RIPK4: variants seen among roughly 807,000 people sequenced by gnomAD.
The protein encoded by RIPK4 is receptor-interacting serine/threonine-protein kinase 4.
A neutral mutation model predicts 42.9 loss-of-function variants in RIPK4; 17 were observed. The observed-to-expected ratio is 0.40, with a 90% CI of 0.27 to 0.59. RIPK4 has a LOEUF of 0.59. Among genes scored for constraint, RIPK4 ranks in the 20% least tolerant of loss-of-function variants. RIPK4 has a pLI of 0.47. For synonymous variants in RIPK4, 498 were observed against 499.1 expected (o/e 1.00, Z 0.03); for missense variants, 897 against 1,104.4 (o/e 0.81, Z 2.66).
intron 1 of RIPK4, among the ~76,000 whole-genome samples, chr21:41,760,004 T>C (rs1449854763): frequency 6.6e-6 from 1 of 152,176 alleles, no homozygotes; most frequent in Non-Finnish European, 1.5e-5. Context: ...TAGAGGCAAC[T>C]TCACCCCCCA....
chr21:41,740,966 C>G lies in RIPK4; in HGVS notation c.2227G>C (p.Ala743Pro). Residue 743 changes from alanine (A) to proline (P), a missense_variant, in exon 8 of 8, where the codon GCC (alanine) becomes CCC (proline). Coordinates refer to ENST00000332512, the MANE Select transcript of RIPK4 (RefSeq NM_020639.3). ...EQGLSALHLAAQGRHAQTVET... is the reference protein window; with the variant it reads ...EQGLSALHLAPQGRHAQTVET... ...ACCGTCTGTGCGTGCCGGCCCTGGG[C>G]GGCCAGGTGCAGCGCGCTGAGCCCC... is the stretch of plus-strand genomic sequence containing the variant. 6.2e-7 allele frequency: 1 copy of G among 1,612,020 alleles called. No individual in the cohort carries two copies. Among genetic ancestry groups the G allele is most frequent in the Non-Finnish European group, 8.5e-7 (1 of 1,179,848 alleles).
chr21:41,762,150 T>C (rs767967668), intron 1 of RIPK4, among the ~76,000 whole-genome samples: 1 of 152,124 alleles, frequency 6.6e-6, no homozygotes, highest in African/African-American at 2.4e-5. Context: ...GGCCACACAT[T>C]TGAGGGCACT....
chr21:41,756,783 C>A lies in RIPK4; in HGVS notation c.216G>T (p.Lys72Asn), dbSNP rs1487189084. 1 of 1,613,938 alleles carries A rather than the reference C, an allele frequency of 6.2e-7. No homozygotes were observed. The highest frequency in any genetic ancestry group is 8.5e-7 in the Non-Finnish European group (1 of 1,179,818). The stretch of plus-strand genomic sequence containing the variant: ...TGTAGCGAAACTTGGCCATCTCCAT[C>A]TTCTTGGCTTCTTCCAAAAGCTCCA... Reference protein sequence around the residue: ...ERMELLEEAKKMEMAKFRYIL... With the variant: ...ERMELLEEAKNMEMAKFRYIL... The change falls in exon 2 of 8, where the codon AAG becomes AAT. Residue 72 changes from lysine (K) to asparagine (N), a missense_variant. Transcript: ENST00000332512.
chr21:41,747,390 T>G (rs113986322), intron 4 of RIPK4, among the ~76,000 whole-genome samples: 1 of 152,162 alleles, frequency 6.6e-6, no homozygotes, highest in East Asian at 1.9e-4. Flanking sequence ...TAGCTTATTA[T>G]TATTATTGCC....
chr21:41,746,522 ACCCAGG>A lies in RIPK4; in HGVS notation c.832+85_832+90del, dbSNP rs2061171813. The A allele has an allele frequency of 1.5e-5, 22 of 1,483,758 alleles. No homozygotes were observed. In the Middle Eastern group the frequency reaches 1.2e-3, roughly 80 times the overall value. 91.9% of individuals were successfully genotyped at this position (1,483,758 alleles called of 1,614,324 possible). ...CCACCTGTTACACGCCTTGTTTCTC[ACCCAGG>A]CCTGGTCCCTCACCCTGTCCTGTCT... On this transcript the variant is annotated intron_variant, in intron 5 of 7. Coordinates refer to ENST00000332512, the MANE Select transcript of RIPK4 (RefSeq NM_020639.3).
At chr21:41,749,525 A>G (rs890439438) in intron 3 of RIPK4, among the ~76,000 whole-genome samples, 2 of 152,184 alleles carry the variant, frequency 1.3e-5, no homozygotes, top group African/African-American at 2.4e-5. Flanking sequence ...TGCCTCACTG[A>G]TATCTTCTCG....
In RIPK4 at chr21:41,741,060, G is replaced by C; in HGVS notation, c.2133C>G (p.Ala711=). The C allele has an allele frequency of 6.2e-7, 1 of 1,610,374 alleles. No homozygotes were observed. The highest frequency in any genetic ancestry group is 8.5e-7 in the Non-Finnish European group (1 of 1,179,192). ...PLNQTALHLA[A]AHGHSEVVEE... ...CCACCACCTCCGAGTGCCCGTGGGC[G>C]GCAGCCAGGTGCAGCGCCGTCTGGT... The change falls in exon 8 of 8, where the codon GCC becomes GCG. Residue 711 remains alanine, a synonymous_variant. Transcript: ENST00000332512.
In RIPK4 at chr21:41,741,555, C is replaced by A; in HGVS notation, c.1638G>T (p.Gln546His). 6.2e-7 allele frequency: 1 copy of A among 1,612,060 alleles called. No individual in the cohort carries two copies. Among genetic ancestry groups the A allele is most frequent in the Non-Finnish European group, 8.5e-7 (1 of 1,180,018 alleles). Residue 546 changes from glutamine to histidine, a missense_variant, in exon 8 of 8, where the codon CAG becomes CAT. Coordinates refer to ENST00000332512, the MANE Select transcript of RIPK4 (RefSeq NM_020639.3). Reference protein sequence around the residue: ...EGRTPMHVACQHGQENIVRIL... With the variant: ...EGRTPMHVACHHGQENIVRIL... ...TGCGCACGATATTCTCCTGCCCGTG[C>A]TGGCAGGCCACGTGCATGGGCGTCC...
At position 41,741,767 on chromosome 21, in the gene RIPK4, G is replaced by A; in HGVS notation, c.1426C>T (p.His476Tyr). The A allele has an allele frequency of 6.2e-7, 1 of 1,611,702 alleles. No individual in the cohort carries two copies. Among genetic ancestry groups the A allele is most frequent in the Non-Finnish European group, 8.5e-7 (1 of 1,180,018 alleles). The change falls in exon 8 of 8, where the codon CAC becomes TAC. Residue 476 changes from histidine (H) to tyrosine (Y), a missense_variant. By Grantham distance (83) the His-to-Tyr change is moderately conservative (BLOSUM62 2). Coordinates refer to ENST00000332512, the MANE Select transcript of RIPK4 (RefSeq NM_020639.3). The part of the protein sequence containing the change: ...LSNRRGSTPL[H>Y]MAVERRVRGV... Reference sequence around the variant, plus strand: ...CGCACCCTCCTCTCCACGGCCATGTGCAACGGGGTGGAGCCCCTACGGTTG... The same window carrying A: ...CGCACCCTCCTCTCCACGGCCATGTACAACGGGGTGGAGCCCCTACGGTTG...
chr21:41,745,806 T>C lies in RIPK4; in HGVS notation c.889A>G (p.Thr297Ala). Residue 297 changes from threonine (T) to alanine (A), a missense_variant, in exon 6 of 8, where the codon ACT becomes GCT. Transcript: ENST00000332512. ...CTTTTCACGTCCAGATCATGAGCAG[T>C]TTCTTTCACTTCGTCATCAGGCTTT... ...CEKPDDEVKE[T>A]AHDLDVKSPP... The C allele has an allele frequency of 6.2e-7, 1 of 1,614,158 alleles. No homozygotes were observed. The highest frequency in any genetic ancestry group is 8.5e-7 in the Non-Finnish European group (1 of 1,180,008).
chr21:41,761,176 C>T (rs1243914883), intron 1 of RIPK4, among the ~76,000 whole-genome samples: 5 of 152,184 alleles, frequency 3.3e-5, no homozygotes, highest in African/African-American at 7.2e-5. Context: ...AAAAGGAAGA[C>T]GAGGACCTGA....
chr21:41,741,223 A>G lies in RIPK4; in HGVS notation c.1970T>C (p.Leu657Pro), dbSNP rs994453404. Reference sequence around the variant, plus strand: ...GGCCTCCTTGCCAGCGCCCCGATGCAGGAGCAGCCTGGCAGTGCTCGTGTG... The same window carrying G: ...GGCCTCCTTGCCAGCGCCCCGATGCGGGAGCAGCCTGGCAGTGCTCGTGTG... ...TGHTSTARLL[L>P]HRGAGKEAMT... is the part of the protein sequence containing the mutation. Residue 657 changes from leucine to proline, a missense_variant, in exon 8 of 8, where the codon CTG becomes CCG. Leu to Pro is a moderately conservative substitution (Grantham distance 98). Transcript: ENST00000332512. 6.2e-7 allele frequency: 1 copy of G among 1,609,212 alleles called. No individual in the cohort carries two copies. Among genetic ancestry groups the G allele is most frequent in the Admixed American group, 1.7e-5 (1 of 59,872 alleles).
At chr21:41,760,380 A>G (rs1439924232) in intron 1 of RIPK4, among the ~76,000 whole-genome samples, 1 of 152,164 alleles carries the variant, frequency 6.6e-6, no homozygotes, top group Non-Finnish European at 1.5e-5. Context: ...ACTACCCCCA[A>G]AAGAGAAGTG....
chr21:41,746,483 G>C (rs1280238047), intron 5 of RIPK4, 130 bp downstream of exon 5: 1 of 1,129,876 alleles, frequency 8.9e-7, no homozygotes, highest in Non-Finnish European at 1.3e-6. Context: ...TATCTGTGCA[G>C]GGCTCATTTC....
chr21:41,749,889 T>TAAAA (rs776305508), intron 3 of RIPK4, among the ~76,000 whole-genome samples: 47 of 99,314 alleles, frequency 4.7e-4, no homozygotes, highest in Non-Finnish European at 5.4e-4. Context: ...CCAAATTGAT[T>TAAAA]AAAAAAAAAA....
rs1327008157 is a variant in RIPK4, at chr21:41,755,076, T to G, written c.474+1449A>C. ...CTAGTCATTAGGGCCCCAGAGCCTG[T>G]GCTACCTAGAAACAAGCCCGTAAAT... On this transcript the variant is annotated intron_variant, in intron 2 of 7. Coordinates refer to ENST00000332512, the MANE Select transcript of RIPK4 (RefSeq NM_020639.3). The surrounding 1 kb of genome is among the most constrained non-coding windows in gnomAD (Gnocchi z 4.2). 6.6e-6 allele frequency among the ~76,000 whole-genome samples: 1 copy of G among 152,084 alleles called. No homozygotes were observed. Among genetic ancestry groups the G allele is most frequent in the Non-Finnish European group, 1.5e-5 (1 of 68,014 alleles).
intron 2 of RIPK4, among the ~76,000 whole-genome samples, chr21:41,752,998 T>C (rs925865136): frequency 2.6e-5 from 4 of 151,772 alleles, no homozygotes; most frequent in African/African-American, 9.7e-5. Flanking sequence ...AAAAGTAAAA[T>C]AAAAAATAAT....
chr21:41,758,963 G>A (rs1281503407), intron 1 of RIPK4, among the ~76,000 whole-genome samples: 1 of 152,192 alleles, frequency 6.6e-6, no homozygotes, highest in African/African-American at 2.4e-5. Context: ...GACGCACGCT[G>A]GCCATGCAGG....
At chr21:41,750,826 C>A (rs957559233) in intron 3 of RIPK4, among the ~76,000 whole-genome samples, 2 of 152,162 alleles carry the variant, frequency 1.3e-5, no homozygotes, top group African/African-American at 4.8e-5. Context: ...TACAGGTGCA[C>A]GCCACCAAGC....
Sources: gnomAD v4.1 joint callset for allele counts (sites outside exome capture counted in the v4.1 genomes callset) on GRCh38, gnomAD v4.1.1 for gene constraint, Gnocchi (gnomAD v3.1) non-coding constraint, MANE v1.5 for transcripts, NCBI Gene and HGNC (gene_info 2026-07-23, HGNC 2026-07-21) for gene names.